SPSB4: variants seen among roughly 807,000 people sequenced by gnomAD.
SPSB4 encodes SPRY domain-containing SOCS box protein 4.
In SPSB4, 21 loss-of-function variants were observed where a neutral mutation model predicts 20.9. That is an observed-to-expected ratio of 1.01 (90% CI 0.71 to 1.45). The LOEUF is 1.45. Among genes scored for constraint, SPSB4 ranks in the 40% most tolerant of loss-of-function variants. The pLI is 0.00. For synonymous variants in SPSB4, 207 were observed against 183.8 expected (o/e 1.13, Z -1.02); for missense variants, 399 against 399.2 (o/e 1.00, Z 0.00).
chr3:141,056,476 G>A (rs991482011), intron 1 of SPSB4, among the ~76,000 whole-genome samples: 1 of 152,178 alleles, frequency 6.6e-6, no homozygotes, highest in Non-Finnish European at 1.5e-5. Flanking sequence ...GATACTGTAG[G>A]CTTAACAGAG....
intron 2 of SPSB4, among the ~76,000 whole-genome samples, chr3:141,109,250 T>A (rs893814488): frequency 2.7e-4 from 41 of 152,110 alleles, no homozygotes; most frequent in African/African-American, 8.5e-4. Flanking sequence ...GCCATGCACC[T>A]TGCTTCCATC....
intron 2 of SPSB4, among the ~76,000 whole-genome samples, chr3:141,082,645 A>G (rs1467440801): frequency 6.6e-6 from 1 of 151,922 alleles, no homozygotes; most frequent in East Asian, 1.9e-4. Flanking sequence ...CTATCTATCT[A>G]TCTATCTATC....
intron 2 of SPSB4, among the ~76,000 whole-genome samples, chr3:141,075,474 A>G (rs1406899843): frequency 6.6e-6 from 1 of 152,106 alleles, no homozygotes; most frequent in African/African-American, 2.4e-5. Context: ...CGGTATCCTC[A>G]CCTGTAAAGT....
At chr3:141,102,926 C>A (rs995167143) in intron 2 of SPSB4, among the ~76,000 whole-genome samples, 1 of 152,264 alleles carries the variant, frequency 6.6e-6, no homozygotes, top group African/African-American at 2.4e-5. Context: ...CTGCCTCTAC[C>A]TCACACTTGG....
chr3:141,096,983 T>C (rs554159716), intron 2 of SPSB4, among the ~76,000 whole-genome samples: 138 of 152,366 alleles, frequency 9.1e-4, no homozygotes, highest in African/African-American at 3.3e-3. Context: ...CCAAACTTCC[T>C]GTCTCTGATT....
At chr3:141,143,023 A>G (rs1258409343) in intron 2 of SPSB4, among the ~76,000 whole-genome samples, 1 of 151,766 alleles carries the variant, frequency 6.6e-6, no homozygotes, top group African/African-American at 2.4e-5. Context: ...TCACCGTGTT[A>G]GCCAGGATGG....
intron 2 of SPSB4, among the ~76,000 whole-genome samples, chr3:141,101,466 T>C (rs1179776208): frequency 6.6e-6 from 1 of 152,306 alleles, no homozygotes; most frequent in East Asian, 1.9e-4. Flanking sequence ...GGAGTCCAGC[T>C]ACCAGGGGGA....
intron 2 of SPSB4, among the ~76,000 whole-genome samples, chr3:141,075,464 C>G (rs560632077): frequency 2.0e-5 from 3 of 152,292 alleles, no homozygotes; most frequent in African/African-American, 7.2e-5. Context: ...TGCAGTTCCT[C>G]GGTATCCTCA....
intron 2 of SPSB4, among the ~76,000 whole-genome samples, chr3:141,103,955 A>T (rs1207046376): frequency 6.6e-6 from 1 of 152,216 alleles, no homozygotes; most frequent in Non-Finnish European, 1.5e-5. Context: ...GATCATGCTC[A>T]AAGTAGGTTC....
intron 2 of SPSB4, among the ~76,000 whole-genome samples, chr3:141,137,981 G>A (rs975706380): frequency 2.0e-5 from 3 of 152,032 alleles, no homozygotes; most frequent in Non-Finnish European, 2.9e-5. Context: ...TTTTTGGTTG[G>A]TAAGCTATTA....
intron 2 of SPSB4, among the ~76,000 whole-genome samples, chr3:141,106,757 C>T (rs760887799): frequency 2.6e-5 from 4 of 152,196 alleles, no homozygotes; most frequent in African/African-American, 4.8e-5. Flanking sequence ...CTTCTTCCTT[C>T]GTGTCTAGTG....
chr3:141,134,334 A>G (rs1441336233), intron 2 of SPSB4, among the ~76,000 whole-genome samples: 2 of 152,066 alleles, frequency 1.3e-5, no homozygotes, highest in Non-Finnish European at 2.9e-5. Context: ...TGTTCTGGCT[A>G]GGACTTCCAG....
At chr3:141,056,666 T>C (rs1937643973) in intron 1 of SPSB4, among the ~76,000 whole-genome samples, 1 of 152,258 alleles carries the variant, frequency 6.6e-6, no homozygotes, top group Admixed American at 6.5e-5. Flanking sequence ...TTCATCATCG[T>C]TTTCCCCAGA....
intron 2 of SPSB4, among the ~76,000 whole-genome samples, chr3:141,126,421 C>T (rs1939051001): frequency 6.6e-6 from 1 of 152,126 alleles, no homozygotes; most frequent in African/African-American, 2.4e-5. Context: ...TGGAAGCTGA[C>T]CCCAAGTCCA....
intron 2 of SPSB4, among the ~76,000 whole-genome samples, chr3:141,067,685 G>T (rs1393333086): frequency 6.6e-6 from 1 of 152,150 alleles, no homozygotes; most frequent in Non-Finnish European, 1.5e-5. Flanking sequence ...AGACAGGGTG[G>T]CCTCTGGACA....
rs1337474324 is a variant in SPSB4 at position 141,105,972 on chromosome 3, G to A, written c.694+39174G>A. The stretch of plus-strand genomic sequence containing the variant: ...GTGGTAACTACATCGCCACCTGGTG[G>A]TACAGATTTTGCATAACGGGATGTA... On this transcript the variant is annotated intron_variant, in intron 2 of 2. Coordinates refer to ENST00000310546, the MANE Select transcript of SPSB4 (RefSeq NM_080862.3). Among the ~76,000 whole-genome samples the A allele has an allele frequency of 2.0e-5, 3 of 152,184 alleles. No homozygotes were observed. The East Asian group carries it at 5.8e-4, about 29-fold the overall frequency.
At chr3:141,137,027 T>C (rs558612038) in intron 2 of SPSB4, among the ~76,000 whole-genome samples, 1 of 152,316 alleles carries the variant, frequency 6.6e-6, no homozygotes, top group African/African-American at 2.4e-5. Flanking sequence ...GAGCAGTGGT[T>C]TGTAGTTCTC....
At chr3:141,141,095 T>C (rs1036369005) in intron 2 of SPSB4, among the ~76,000 whole-genome samples, 8 of 152,180 alleles carry the variant, frequency 5.3e-5, no homozygotes, top group African/African-American at 1.9e-4. Context: ...GTGCTAGCAA[T>C]GAGTGAGGCT....
intron 2 of SPSB4, among the ~76,000 whole-genome samples, chr3:141,146,259 A>C (rs1049411527): frequency 7.9e-5 from 12 of 152,130 alleles, no homozygotes; most frequent in Non-Finnish European, 1.8e-4. Flanking sequence ...TTATTTATGG[A>C]TTTTAACTTA....
Sources: allele counts gnomAD v4.1 joint callset (sites outside exome capture counted in the v4.1 genomes callset), GRCh38; gene constraint gnomAD v4.1.1; transcripts MANE v1.5; gene names NCBI Gene and HGNC (gene_info 2026-07-23, HGNC 2026-07-21).